Variants in GAD1 observed in about 807,000 individuals in gnomAD.
The protein encoded by GAD1 is 67 kDa glutamic acid decarboxylase.
GAD1 carries 35 observed loss-of-function variants against 75.2 expected under a neutral mutation model. That is an observed-to-expected ratio of 0.47 (90% CI 0.36 to 0.62). The LOEUF is 0.62. Ranked by LOEUF, GAD1 falls within the 20% of genes least tolerant of loss-of-function variation. The pLI, the probability that GAD1 is intolerant of heterozygous loss-of-function variation, is 0.00. For synonymous variants in GAD1, 257 were observed against 271.9 expected (o/e 0.95, Z 0.54); for missense variants, 490 against 758.5 (o/e 0.65, Z 4.16).
intron 11 of GAD1, 100 bp downstream of exon 11, chr2:170,847,892 C>G (rs1702668408): frequency 1.3e-6 from 1 of 799,960 alleles, no homozygotes; most frequent in Non-Finnish European, 2.3e-6. Context: ...CCAGCCCTCT[C>G]TCCACACCAC....
intron 3 of GAD1, among the ~76,000 whole-genome samples, chr2:170,828,192 T>C (rs1702079937): frequency 7.8e-6 from 1 of 129,006 alleles, no homozygotes. Context: ...TCTGCTGTCC[T>C]CACCTCTCCT....
In GAD1 at chr2:170,823,869, G is replaced by A. The variant is rs116656129; in HGVS notation, c.145+1720G>A. Among the ~76,000 whole-genome samples the A allele has an allele frequency of 3.6e-3, 542 of 152,284 alleles. 2 individuals carry two copies. Among genetic ancestry groups the A allele is most frequent in the African/African-American group, 0.012 (494 of 41,574 alleles). ...CGGCGCCTGGCCTGCTGAGGGTGGG[G>A]GGCAGCCCTCATTCACCCCCATCCT... On this transcript the variant is annotated intron_variant, in intron 3 of 16. Transcript: ENST00000358196.
At chr2:170,845,482 C>T in intron 7 of GAD1, 24 bp from the exon 8 acceptor site, 1 of 1,598,342 alleles carries the variant, frequency 6.3e-7, no homozygotes, top group South Asian at 1.1e-5. Context: ...CCCAACACCT[C>T]CCAATATGTC....
chr2:170,846,028 G>A lies in GAD1; in HGVS notation c.967G>A (p.Asp323Asn), dbSNP rs1348687911. The change falls in exon 10 of 17, where the codon GAT (aspartate) becomes AAT (asparagine). Residue 323 changes from aspartate to asparagine, a missense_variant. Asp to Asn is a conservative substitution (Grantham distance 23). Transcript: ENST00000358196. ...TTATAGGGGGAAAATAATTCCAGCT[G>A]ATTTTGAGGCAAAAATTCTTGAAGC... The part of the protein sequence containing the change: ...CNERGKIIPA[D>N]FEAKILEAKQ... 1.2e-6 allele frequency: 2 copies of A among 1,613,572 alleles called. No individual in the cohort carries two copies. Among genetic ancestry groups the A allele is most frequent in the African/African-American group, 2.7e-5 (2 of 74,868 alleles).
chr2:170,842,451 G>C (rs1702537193), intron 6 of GAD1: 1 of 962,422 alleles, frequency 1.0e-6, no homozygotes, highest in Admixed American at 1.7e-5. Context: ...AAAACCAGTG[G>C]AACCATTAAT....
chr2:170,820,610 G>C (rs1179638457), intron 2 of GAD1, among the ~76,000 whole-genome samples: 1 of 152,214 alleles, frequency 6.6e-6, no homozygotes, highest in Non-Finnish European at 1.5e-5. Context: ...GAAACCCTTG[G>C]GTGGGGCTTG....
chr2:170,845,476 AC>A (rs1474903677), intron 7 of GAD1, 29 bp from the exon 8 acceptor site: 2 of 1,586,038 alleles, frequency 1.3e-6, no homozygotes, highest in African/African-American at 2.7e-5. Context: ...AAGAGCCCCA[AC>A]ACCTCCCAAT....
At chr2:170,822,359 C>T (rs1701909776) in intron 3 of GAD1, among the ~76,000 whole-genome samples, 1 of 152,182 alleles carries the variant, frequency 6.6e-6, no homozygotes, top group Non-Finnish European at 1.5e-5. Context: ...GGGTCTTTTC[C>T]TCTGGAGTCC....
Position 170,853,925 on chromosome 2 carries a change from A to G in GAD1, c.1316A>G (p.Asp439Gly). Residue 439 changes from aspartate to glycine, a missense_variant, in exon 14 of 17, where the codon GAC becomes GGC. Physicochemically the swap from Asp to Gly is moderately conservative, Grantham distance 94. This residue lies in a region of GAD1 where 324 missense variants were observed against 523.9 expected (regional missense o/e 0.62). Coordinates refer to ENST00000358196, the MANE Select transcript of GAD1 (RefSeq NM_000817.3). The surrounding 1 kb of genome is among the most constrained non-coding windows in gnomAD (Gnocchi z 4.1). Reference sequence around the variant, plus strand: ...TGTGCAGGATACCTCTTCCAGCCAGACAAGCAGTATGATGTCTCCTACGAC... The same window carrying G: ...TGTGCAGGATACCTCTTCCAGCCAGGCAAGCAGTATGATGTCTCCTACGAC... Reference protein sequence around the residue: ...QMCAGYLFQPDKQYDVSYDTG... With the variant: ...QMCAGYLFQPGKQYDVSYDTG... 1 of 1,614,172 alleles carries G rather than the reference A, an allele frequency of 6.2e-7. No homozygotes were observed. The highest frequency in any genetic ancestry group is 8.5e-7 in the Non-Finnish European group (1 of 1,180,030).
intron 3 of GAD1, among the ~76,000 whole-genome samples, chr2:170,828,456 CTGTCCTCCCTCTGCTGTCCTTGA>C (rs1559272191): frequency 7.4e-6 from 1 of 135,816 alleles, no homozygotes; most frequent in African/African-American, 2.8e-5. Context: ...GCGGTCCTCG[CTGTCCTCCCTCTGCTGTCCTTGA>C]TCTCCTCCCT....
chr2:170,821,980 G>C (rs1448138395), intron 2 of GAD1, 107 bp from the exon 3 acceptor site: 41 of 954,814 alleles, frequency 4.3e-5, no homozygotes, highest in Non-Finnish European at 5.7e-5. Flanking sequence ...TTAATGAAGA[G>C]CTCTGGCAAA....
chr2:170,856,229 T>C (rs1175579134), intron 14 of GAD1, among the ~76,000 whole-genome samples: 6 of 152,360 alleles, frequency 3.9e-5, no homozygotes, highest in Middle Eastern at 3.4e-3. Flanking sequence ...TCAACAACCC[T>C]CATACTGCTG....
chr2:170,851,013 TA>T (rs939647320), intron 12 of GAD1, among the ~76,000 whole-genome samples: 9 of 144,100 alleles, frequency 6.2e-5, no homozygotes, highest in Admixed American at 1.4e-4. Flanking sequence ...GACTCTGTCT[TA>T]AAAAAAAAAG....
rs139683891 is a variant in GAD1 at position 170,853,174 on chromosome 2, T to C, written c.1263+382T>C. The C allele has an allele frequency of 2.6e-3, 748 of 291,816 alleles. 7 individuals are homozygous for C. The highest frequency in any genetic ancestry group is 0.015 in the African/African-American group (693 of 46,650). The allele number at this position is 291,816 out of a possible 1,614,324, so 18.1% of individuals were successfully genotyped here. On this transcript the variant is annotated intron_variant, in intron 13 of 16. Coordinates refer to ENST00000358196, the MANE Select transcript of GAD1 (RefSeq NM_000817.3). The surrounding 1 kb of genome is among the most constrained non-coding windows in gnomAD (Gnocchi z 4.1). ...ATACTCGGAGTTCTTAGTATAAACG[T>C]GTGGTCCCAAGAACTGAAATAAATG...
intron 6 of GAD1, chr2:170,842,448 G>C (rs1702537129): frequency 1.1e-6 from 1 of 947,994 alleles, no homozygotes; most frequent in South Asian, 1.3e-5. Context: ...CCAAAAACCA[G>C]TGGAACCATT....
At chr2:170,844,407 C>CTTTTTTT (rs11327360) in intron 7 of GAD1, among the ~76,000 whole-genome samples, 437 of 124,350 alleles carry the variant, frequency 3.5e-3, no homozygotes, top group Non-Finnish European at 4.1e-3. Flanking sequence ...TTTCTTTTTT[C>CTTTTTTT]TTTTTTTTTT....
chr2:170,833,494 TAA>T (rs1702293156), intron 5 of GAD1, among the ~76,000 whole-genome samples: 1 of 152,242 alleles, frequency 6.6e-6, no homozygotes, highest in South Asian at 2.1e-4. Flanking sequence ...GGCTGCATTT[TAA>T]AAAGAGTCAG....
chr2:170,822,235 G>A, intron 3 of GAD1, 86 bp downstream of exon 3: 1 of 1,125,118 alleles, frequency 8.9e-7, no homozygotes, highest in Admixed American at 1.9e-5. Context: ...CAAGCGGAGG[G>A]GGATCCGGGC....
intron 10 of GAD1, among the ~76,000 whole-genome samples, chr2:170,846,746 C>G (rs1260938928): frequency 6.6e-6 from 1 of 152,228 alleles, no homozygotes; most frequent in Admixed American, 6.5e-5. Flanking sequence ...GGGCTCGCAC[C>G]TGTAATCCCA....
Sources: gnomAD v4.1 joint callset for allele counts (sites outside exome capture counted in the v4.1 genomes callset) on GRCh38, gnomAD v4.1.1 for gene constraint, gnomAD v4.1.1 regional missense constraint, Gnocchi (gnomAD v3.1) non-coding constraint, MANE v1.5 for transcripts, NCBI Gene and HGNC (gene_info 2026-07-23, HGNC 2026-07-21) for gene names.